The following IQSEC1 variants were observed in gnomAD, a reference collection of about 807,000 sequenced individuals.
The protein encoded by IQSEC1 is IQ motif and Sec7 domain ArfGEF 1.
Under a neutral mutation model 91.0 loss-of-function variants are expected in IQSEC1, and 31 were observed. The ratio of observed to expected loss-of-function variants is 0.34; its 90% CI spans 0.26 to 0.46. IQSEC1 has a LOEUF of 0.46. Among genes scored for constraint, IQSEC1 ranks in the 20% least tolerant of loss-of-function variants. The probability of loss-of-function intolerance (pLI) is 1.00; values close to 1 mark genes in which losing one functional copy is unlikely to be tolerated. For synonymous variants in IQSEC1, 699 were observed against 662.6 expected (o/e 1.05, Z -0.84); for missense variants, 1,388 against 1,575.6 (o/e 0.88, Z 2.02).
intron 1 of IQSEC1, among the ~76,000 whole-genome samples, chr3:12,964,674 C>G (rs181642751): frequency 6.6e-6 from 1 of 152,314 alleles, no homozygotes; most frequent in East Asian, 1.9e-4. Flanking sequence ...CATACACTCA[C>G]GAAACTGAGC....
At chr3:13,033,306 G>A (rs752166853) in intron 1 of IQSEC1, among the ~76,000 whole-genome samples, 22 of 152,122 alleles carry the variant, frequency 1.4e-4, no homozygotes, top group Non-Finnish European at 3.2e-4. Flanking sequence ...GATTTGCAGA[G>A]GCTTCCGTAA....
At chr3:12,927,554 T>TGC in intron 3 of IQSEC1, among the ~76,000 whole-genome samples, 1 of 152,182 alleles carries the variant, frequency 6.6e-6, no homozygotes, top group Non-Finnish European at 1.5e-5. Flanking sequence ...GCTCTTTTTT[T>TGC]GCCCCCATCC....
rs112215034 is a variant in IQSEC1, at chr3:13,270,313, T to C, written c.272+12398A>G. ...AATAAACCTTACGGTGACTGAATGATGGATTAATTGACTTGCTGATTCATT... is the reference window on the plus strand; with the variant it reads ...AATAAACCTTACGGTGACTGAATGACGGATTAATTGACTTGCTGATTCATT... On this transcript the variant is annotated intron_variant, in intron 1 of 15. Coordinates refer to the IQSEC1 transcript ENST00000648114. Among the ~76,000 whole-genome samples, 1,120 of 152,376 alleles carry C rather than the reference T, an allele frequency of 7.4e-3. 10 individuals carry two copies. Among genetic ancestry groups the C allele is most frequent in the African/African-American group, 0.026 (1,064 of 41,584 alleles).
At chr3:13,041,573 C>T (rs1026182738) in intron 1 of IQSEC1, among the ~76,000 whole-genome samples, 7 of 152,138 alleles carry the variant, frequency 4.6e-5, no homozygotes, top group South Asian at 2.1e-4. Flanking sequence ...GTGACCATGG[C>T]GACGGCTCCA....
At chr3:13,075,029 G>A (rs1236054135), upstream of IQSEC1, among the ~76,000 whole-genome samples, 2 of 152,252 alleles carry the variant, frequency 1.3e-5, no homozygotes, top group East Asian at 1.9e-4. Context: ...ACTGCATGAC[G>A]CTTCCCGATC....
Position 12,900,745 on chromosome 3 carries a change from C to CCCATCCCTCAGACTGAGGT in IQSEC1, c.*219_*237dup. On this transcript the variant is annotated 3_prime_UTR_variant, in exon 14 of 14. Coordinates refer to ENST00000613206, the MANE Select transcript of IQSEC1 (RefSeq NM_001134382.3). ...CAAGGCTGATGGTGTCTGAGGCCCACCCATCCCTCAGACTGAGGTGAGCAG... is the reference window on the plus strand; with the variant it reads ...CAAGGCTGATGGTGTCTGAGGCCCACCCATCCCTCAGACTGAGGTCCATCCCTCAGACTGAGGTGAGCAG... The CCCATCCCTCAGACTGAGGT allele has an allele frequency of 7.0e-7, 1 of 1,420,924 alleles. No individual in the cohort carries two copies. Among genetic ancestry groups the CCCATCCCTCAGACTGAGGT allele is most frequent in the Non-Finnish European group, 9.2e-7 (1 of 1,091,394 alleles). 88.0% of individuals were successfully genotyped at this position (1,420,924 alleles called of 1,614,324 possible). A position where few individuals can be genotyped will look rare whatever the true frequency, so the allele number is the denominator to read the frequency against.
Position 13,042,235 on chromosome 3 carries a change from T to A in IQSEC1, c.23+30757A>T, listed in dbSNP as rs1704302404. On this transcript the variant is annotated intron_variant, in intron 1 of 13. Transcript: ENST00000613206. ...GGGCAGGATCAGGGCGAACTTTCTC[T>A]CCAGGTCCCATTGCCCTAGTGGCCA... The A allele has an allele frequency of 3.3e-5, 5 of 152,374 alleles. No homozygotes were observed. In the South Asian group the frequency reaches 1.0e-3, roughly 32 times the overall value. 9.4% of individuals were successfully genotyped at this position (152,374 alleles called of 1,614,324 possible).
chr3:13,275,995 T>C (rs1421176791), intron 1 of IQSEC1, among the ~76,000 whole-genome samples: 1 of 151,410 alleles, frequency 6.6e-6, no homozygotes, highest in Non-Finnish European at 1.5e-5. Flanking sequence ...GACAGTGTTC[T>C]GCCCCATACA....
In IQSEC1 at chr3:12,935,165, G is replaced by C. The variant is rs1698056593; in HGVS notation, c.1568+283C>G. On this transcript the variant is annotated intron_variant, in intron 3 of 13. Transcript: ENST00000613206. This position sits in a 1 kb window ranked among gnomAD's most constrained non-coding sequence, Gnocchi z 8.0. ...TGCTATGGCGGACTTGGGGGGGATGGGACGGAAGGGCCCGGGACTCAAGTT... is the reference window on the plus strand; with the variant it reads ...TGCTATGGCGGACTTGGGGGGGATGCGACGGAAGGGCCCGGGACTCAAGTT... Among the ~76,000 whole-genome samples the C allele has an allele frequency of 6.6e-6, 1 of 152,190 alleles. No individual in the cohort carries two copies. Among genetic ancestry groups the C allele is most frequent in the Non-Finnish European group, 1.5e-5 (1 of 68,038 alleles).
chr3:13,179,907 C>A (rs1250336573), intron 1 of IQSEC1, among the ~76,000 whole-genome samples: 2 of 152,232 alleles, frequency 1.3e-5, no homozygotes, highest in Non-Finnish European at 2.9e-5. Context: ...GGGCCAGCAG[C>A]TGCTGTGCTC....
chr3:12,989,103 A>G (rs1228855198), intron 1 of IQSEC1, among the ~76,000 whole-genome samples: 3 of 152,184 alleles, frequency 2.0e-5, no homozygotes, highest in Admixed American at 1.3e-4. Flanking sequence ...TTTAACACCA[A>G]CTGGAGCAGA....
At chr3:13,131,389 A>C (rs1305461648) in intron 2 of IQSEC1, among the ~76,000 whole-genome samples, 1 of 151,816 alleles carries the variant, frequency 6.6e-6, no homozygotes, top group Non-Finnish European at 1.5e-5. Context: ...CTTAAAAAAA[A>C]AATCTAACCT....
intron 1 of IQSEC1, among the ~76,000 whole-genome samples, chr3:13,049,267 T>C (rs1420701948): frequency 6.6e-6 from 1 of 152,066 alleles, no homozygotes; most frequent in Admixed American, 6.5e-5. Flanking sequence ...GCGACGAAAA[T>C]ACTGCAAAAT....
chr3:13,053,063 A>G, intron 1 of IQSEC1: 1 of 1,071,954 alleles, frequency 9.3e-7, no homozygotes, highest in Non-Finnish European at 1.4e-6. Flanking sequence ...GAATGGGACG[A>G]TTTTGCTTTA....
intron 1 of IQSEC1, among the ~76,000 whole-genome samples, chr3:13,051,018 C>T (rs75752510): frequency 0.01 from 1,589 of 152,262 alleles, 12 homozygotes; most frequent in Middle Eastern, 0.044. Context: ...GGTGCAGCAA[C>T]GAGCTCAGTG....
rs1020381734 is a variant in IQSEC1 at position 12,924,468 on chromosome 3, C to G, written c.1730+113G>C. The stretch of plus-strand genomic sequence containing the variant: ...TAGGAAGAGAGAAAGGGGGGCCCAC[C>G]ACATGTCCCAGCAAGTAGGGTGGGC... On this transcript the variant is annotated intron_variant, in intron 4 of 13. Transcript: ENST00000613206. This position sits in a 1 kb window ranked among gnomAD's most constrained non-coding sequence, Gnocchi z 6.3. 3.6e-6 allele frequency: 4 copies of G among 1,115,162 alleles called. No individual in the cohort carries two copies. The highest frequency in any genetic ancestry group is 2.9e-5 in the East Asian group (1 of 34,540). The allele number at this position is 1,115,162 out of a possible 1,614,324, so 69.1% of individuals were successfully genotyped here.
At position 12,992,854 on chromosome 3, in the gene IQSEC1, T is replaced by C. The variant is rs888852597; in HGVS notation, c.24-50989A>G. The stretch of plus-strand genomic sequence containing the variant: ...GAGCTTGGCAATTTAAAGTGACAAC[T>C]GCCTGGCAGAAACATGGGAGGGGAA... On this transcript the variant is annotated intron_variant, in intron 1 of 13. Transcript: ENST00000613206. The surrounding 1 kb of genome is among the most constrained non-coding windows in gnomAD (Gnocchi z 4.1). 3.3e-5 allele frequency among the ~76,000 whole-genome samples: 5 copies of C among 152,196 alleles called. No individual in the cohort carries two copies. The highest frequency in any genetic ancestry group is 4.8e-5 in the African/African-American group (2 of 41,450).
chr3:12,900,591 TTGTC>T lies in IQSEC1; in HGVS notation c.*388_*391del. The T allele has an allele frequency of 9.8e-7, 1 of 1,021,286 alleles. No individual in the cohort carries two copies. The highest frequency in any genetic ancestry group is 1.2e-6 in the Non-Finnish European group (1 of 852,156). 63.3% of individuals were successfully genotyped at this position (1,021,286 alleles called of 1,614,324 possible). A position where few individuals can be genotyped will look rare whatever the true frequency, so the allele number is the denominator to read the frequency against. On this transcript the variant is annotated 3_prime_UTR_variant, in exon 14 of 14. Coordinates refer to ENST00000613206, the MANE Select transcript of IQSEC1 (RefSeq NM_001134382.3). ...AATGCAGCAAGTTTTGGGGTTTGTT[TTGTC>T]TGTTTTTGTATCTCATTTCTTCGTT...
At chr3:13,109,244 C>T (rs760221060) in intron 2 of IQSEC1, among the ~76,000 whole-genome samples, 3 of 152,134 alleles carry the variant, frequency 2.0e-5, no homozygotes, top group South Asian at 2.1e-4. Context: ...TATGAGCAGC[C>T]GAGGCCCCCC....
Sources: gnomAD v4.1 joint callset for allele counts (sites outside exome capture counted in the v4.1 genomes callset) on GRCh38, gnomAD v4.1.1 for gene constraint, Gnocchi (gnomAD v3.1) non-coding constraint, MANE v1.5 for transcripts, NCBI Gene and HGNC (gene_info 2026-07-23, HGNC 2026-07-21) for gene names.